The following CPED1 variants were observed in gnomAD, a reference collection of about 807,000 sequenced individuals.
CPED1 encodes the protein cadherin-like and PC-esterase domain-containing protein 1.
Under a neutral mutation model 128.2 loss-of-function variants are expected in CPED1, and 114 were observed. The ratio of observed to expected loss-of-function variants is 0.89; its 90% confidence interval spans 0.76 to 1.04. CPED1 has a LOEUF of 1.04. Among genes scored for constraint, CPED1 ranks in the 50% least tolerant of loss-of-function variants. The probability of loss-of-function intolerance (pLI) is 0.00; values close to 1 mark genes in which losing one functional copy is unlikely to be tolerated. For missense variants in CPED1, 1,211 were observed against 1,207.1 expected (o/e 1.00, Z -0.05); for synonymous variants, 462 against 426.7 (o/e 1.08, Z -1.02).
At chr7:121,087,642 ATTCT>A (rs1226573200) in intron 5 of CPED1, among the ~76,000 whole-genome samples, 1 of 135,582 alleles carries the variant, frequency 7.4e-6, no homozygotes, top group Non-Finnish European at 1.5e-5. Flanking sequence ...AAGCTCAAGG[ATTCT>A]TTCTTTTTCT....
intron 2 of CPED1, among the ~76,000 whole-genome samples, chr7:120,998,778 G>A (rs1004688883): frequency 6.6e-6 from 1 of 150,762 alleles, no homozygotes; most frequent in African/African-American, 2.4e-5. Flanking sequence ...CGTCAGACTT[G>A]CTTATTTATA....
intron 22 of CPED1, among the ~76,000 whole-genome samples, chr7:121,281,653 G>A (rs1792465076): frequency 6.6e-6 from 1 of 152,062 alleles, no homozygotes; most frequent in Admixed American, 6.6e-5. Flanking sequence ...TCATTTAATA[G>A]CCTATAAGAT....
intron 5 of CPED1, among the ~76,000 whole-genome samples, chr7:121,070,505 G>A (rs1321268229): frequency 6.6e-6 from 1 of 152,026 alleles, no homozygotes; most frequent in Non-Finnish European, 1.5e-5. Flanking sequence ...CTTCAGCTAG[G>A]TAATAGCAGA....
At position 121,269,591 on chromosome 7, in the gene CPED1, G is replaced by T. The variant is rs147059678; in HGVS notation, c.2722-1693G>T. Among the ~76,000 whole-genome samples, 404 of 152,174 alleles carry T rather than the reference G, an allele frequency of 2.7e-3. 4 individuals carry two copies. The highest frequency in any genetic ancestry group is 9.4e-3 in the African/African-American group (391 of 41,564). Reference sequence around the variant, plus strand: ...CTTCAAACTGCTTTCCACAGTGGTTGAATTAATTTATGTTTCCACCAACAG... The same window carrying T: ...CTTCAAACTGCTTTCCACAGTGGTTTAATTAATTTATGTTTCCACCAACAG... On this transcript the variant is annotated intron_variant, in intron 21 of 22. Transcript: ENST00000310396.
At chr7:121,283,217 G>C (rs1335696173) in intron 22 of CPED1, among the ~76,000 whole-genome samples, 1 of 152,074 alleles carries the variant, frequency 6.6e-6, no homozygotes, top group East Asian at 1.9e-4. Context: ...GTAAGATTGG[G>C]GTTTATATAG....
chr7:121,191,181 A>T (rs955222427), intron 16 of CPED1, among the ~76,000 whole-genome samples: 1 of 152,264 alleles, frequency 6.6e-6, no homozygotes, highest in Admixed American at 6.5e-5. Flanking sequence ...GCTTTTTGCC[A>T]CCTTTTAGAA....
chr7:121,114,762 C>G (rs913189953), intron 7 of CPED1, among the ~76,000 whole-genome samples: 3 of 152,132 alleles, frequency 2.0e-5, no homozygotes, highest in Non-Finnish European at 4.4e-5. Flanking sequence ...CAAAGGAATA[C>G]AGGTTTAATT....
At chr7:121,250,018 A>G (rs4731003) in intron 18 of CPED1, among the ~76,000 whole-genome samples, 63,108 of 151,986 alleles carry the variant, frequency 0.42, 13,555 homozygotes, top group Middle Eastern at 0.52. Context: ...CAGAATATAC[A>G]TTCTTTTCAG....
intron 5 of CPED1, among the ~76,000 whole-genome samples, chr7:121,084,687 A>G (rs573492500): frequency 2.0e-5 from 3 of 152,374 alleles, no homozygotes; most frequent in African/African-American, 7.2e-5. Context: ...AACTGAGTTT[A>G]TATGCAAAAC....
intron 3 of CPED1, among the ~76,000 whole-genome samples, chr7:121,042,085 A>T (rs1793072355): frequency 6.6e-6 from 1 of 151,788 alleles, no homozygotes; most frequent in Non-Finnish European, 1.5e-5. Flanking sequence ...CTGATCAGGA[A>T]GTTCTGGTTT....
At chr7:121,099,309 AT>A (rs927713495) in intron 6 of CPED1, among the ~76,000 whole-genome samples, 48 of 152,056 alleles carry the variant, frequency 3.2e-4, no homozygotes, top group African/African-American at 1.2e-3. Context: ...TTATATATTT[AT>A]TTTTTAAATT....
At chr7:121,204,695 A>G (rs1797479713) in intron 16 of CPED1, among the ~76,000 whole-genome samples, 1 of 152,140 alleles carries the variant, frequency 6.6e-6, no homozygotes, top group Non-Finnish European at 1.5e-5. Flanking sequence ...TTAAGAGTGG[A>G]AAGAATTATA....
chr7:121,225,202 G>A (rs560040495), intron 16 of CPED1, among the ~76,000 whole-genome samples: 49 of 152,208 alleles, frequency 3.2e-4, no homozygotes, highest in Admixed American at 8.5e-4. Flanking sequence ...TTGCTTGTCT[G>A]TAAAGGATTT....
intron 18 of CPED1, among the ~76,000 whole-genome samples, chr7:121,253,487 A>G (rs1289423575): frequency 6.6e-6 from 1 of 152,058 alleles, no homozygotes; most frequent in African/African-American, 2.4e-5. Context: ...AAAAAGGAAC[A>G]TAGCTCACTG....
intron 22 of CPED1, among the ~76,000 whole-genome samples, chr7:121,279,084 T>C (rs917892203): frequency 6.6e-6 from 1 of 152,166 alleles, no homozygotes; most frequent in Non-Finnish European, 1.5e-5. Flanking sequence ...TCTAATTTGG[T>C]GAAAACAGGT....
At chr7:121,221,505 T>C (rs1438294259) in intron 16 of CPED1, among the ~76,000 whole-genome samples, 1 of 152,226 alleles carries the variant, frequency 6.6e-6, no homozygotes, top group East Asian at 1.9e-4. Flanking sequence ...GGTCAAATGG[T>C]ATTTCTAGTT....
chr7:121,033,561 G>T lies in CPED1; in HGVS notation c.434-13326G>T, dbSNP rs1179942178. Among the ~76,000 whole-genome samples, 5 of 152,100 alleles carry T rather than the reference G, an allele frequency of 3.3e-5. No individual in the cohort carries two copies. In the East Asian group the frequency reaches 7.7e-4, roughly 23 times the overall value. ...CCAAAATGTGAGTGTTATCATTCCT[G>T]GGAGGTCTGAGTTTTATGCCTTATA... On this transcript the variant is annotated intron_variant, in intron 3 of 22. Transcript: ENST00000310396.
At chr7:121,113,778 C>G in intron 7 of CPED1, among the ~76,000 whole-genome samples, 1 of 152,056 alleles carries the variant, frequency 6.6e-6, no homozygotes. Context: ...TAAAGTGACA[C>G]TACTGTCATT....
intron 16 of CPED1, among the ~76,000 whole-genome samples, chr7:121,213,392 A>G (rs1199954788): frequency 6.6e-6 from 1 of 152,062 alleles, no homozygotes; most frequent in Non-Finnish European, 1.5e-5. Context: ...GTGCATCTGA[A>G]GTTCCTACCC....
Sources: allele counts gnomAD v4.1 joint callset (sites outside exome capture counted in the v4.1 genomes callset), GRCh38; gene constraint gnomAD v4.1.1; transcripts MANE v1.5; gene names NCBI Gene and HGNC (gene_info 2026-07-23, HGNC 2026-07-21).